ANKFY1: variants seen among roughly 807,000 people sequenced by gnomAD.
ANKFY1 encodes the protein ankyrin repeat and FYVE domain containing 1.
ANKFY1 carries 47 observed loss-of-function variants against 128.3 expected under a neutral mutation model. That is an observed-to-expected ratio of 0.37 (90% confidence interval 0.29 to 0.47). ANKFY1 has a LOEUF of 0.47. ANKFY1 is among the 20% of genes least tolerant of loss of function. ANKFY1 has a pLI of 1.00. For synonymous variants in ANKFY1, 553 were observed against 601.6 expected (o/e 0.92, Z 1.18); for missense variants, 1,222 against 1,510.6 (o/e 0.81, Z 3.17).
chr17:4,232,167 A>G (rs1406468048), intron 3 of ANKFY1, among the ~76,000 whole-genome samples: 3 of 152,216 alleles, frequency 2.0e-5, no homozygotes, highest in African/African-American at 7.2e-5. Flanking sequence ...GATTTTATCA[A>G]GCCTGTTGGT....
At chr17:4,183,596 T>G (rs1445234898) in intron 13 of ANKFY1, 45 bp from the exon 14 acceptor site, 1 of 1,601,222 alleles carries the variant, frequency 6.2e-7, no homozygotes, top group African/African-American at 1.3e-5. Context: ...CTTTTCCCGC[T>G]TCCTCAACAT....
At chr17:4,248,095 C>G (rs1189810764) in intron 1 of ANKFY1, among the ~76,000 whole-genome samples, 3 of 152,166 alleles carry the variant, frequency 2.0e-5, no homozygotes, top group African/African-American at 4.8e-5. Flanking sequence ...CTTACTTCCT[C>G]TCTGTGCTTC....
At chr17:4,175,103 C>T (rs1022935777) in intron 19 of ANKFY1, among the ~76,000 whole-genome samples, 2 of 150,718 alleles carry the variant, frequency 1.3e-5, no homozygotes, top group East Asian at 2.0e-4. Context: ...GAGACTGAGG[C>T]GGGCGGATTG....
intron 8 of ANKFY1, among the ~76,000 whole-genome samples, chr17:4,196,191 ACT>A (rs2059822369): frequency 8.7e-6 from 1 of 115,432 alleles, no homozygotes; most frequent in African/African-American, 3.1e-5. Context: ...ACACACACAC[ACT>A]GCGAGTTTAT....
At chr17:4,183,221 A>T (rs1288323510) in intron 14 of ANKFY1, among the ~76,000 whole-genome samples, 177 bp downstream of exon 14, 1 of 152,242 alleles carries the variant, frequency 6.6e-6, no homozygotes, top group Non-Finnish European at 1.5e-5. Flanking sequence ...CCGCCATTAC[A>T]ATCAAGTCTT....
At position 4,242,468 on chromosome 17, in the gene ANKFY1, T is replaced by G. The variant is rs537923927; in HGVS notation, c.11-20A>C. ...CCTCCTCTGCAAGGAAAACGAAGAATCAAGTTCACCGTGGCTGCTGGAAAG... is the reference window on the plus strand; with the variant it reads ...CCTCCTCTGCAAGGAAAACGAAGAAGCAAGTTCACCGTGGCTGCTGGAAAG... On this transcript the variant is annotated intron_variant, in intron 1 of 24. Coordinates refer to ENST00000341657, the MANE Select transcript of ANKFY1 (RefSeq NM_001330063.2). 4.6e-6 allele frequency: 7 copies of G among 1,524,508 alleles called. No homozygotes were observed. The highest frequency in any genetic ancestry group is 1.4e-5 in the African/African-American group (1 of 70,850). 94.4% of individuals were successfully genotyped at this position (1,524,508 alleles called of 1,614,324 possible).
intron 1 of ANKFY1, among the ~76,000 whole-genome samples, chr17:4,244,327 A>T (rs1250674066): frequency 6.6e-6 from 1 of 152,188 alleles, no homozygotes; most frequent in African/African-American, 2.4e-5. Context: ...GAAGGTAAAA[A>T]CAGCTATGAG....
At position 4,167,947 on chromosome 17, in the gene ANKFY1, C is replaced by T. The variant is rs961898243; in HGVS notation, c.3378-36G>A. ...AAAGAAAGGAAGTATGAGAGGAGCG[C>T]CAACGACAGACTCTGCTTCCTGGCA... On this transcript the variant is annotated intron_variant, in intron 24 of 24. Coordinates refer to ENST00000341657, the MANE Select transcript of ANKFY1 (RefSeq NM_001330063.2). This position sits in a 1 kb window ranked among gnomAD's most constrained non-coding sequence, Gnocchi z 4.1. 4 of 1,597,592 alleles carry T rather than the reference C, an allele frequency of 2.5e-6. No individual in the cohort carries two copies. The highest frequency in any genetic ancestry group is 2.7e-5 in the African/African-American group (2 of 74,384).
chr17:4,194,103 A>ATATATTTTTTT (rs1555627694), intron 10 of ANKFY1, among the ~76,000 whole-genome samples: 4 of 108,162 alleles, frequency 3.7e-5, no homozygotes, highest in African/African-American at 2.0e-4. Flanking sequence ...ATATATATAT[A>ATATATTTTTTT]TTTTTTTTTT....
At chr17:4,221,344 C>G (rs1400360861) in intron 3 of ANKFY1, among the ~76,000 whole-genome samples, 1 of 152,122 alleles carries the variant, frequency 6.6e-6, no homozygotes, top group African/African-American at 2.4e-5. Context: ...GCCGAGTAAA[C>G]GGGACTATAG....
chr17:4,247,901 C>A (rs1053400127), intron 1 of ANKFY1, among the ~76,000 whole-genome samples: 4 of 152,280 alleles, frequency 2.6e-5, no homozygotes, highest in African/African-American at 9.6e-5. Context: ...ACCTGCTCTG[C>A]AGTAGGTGGT....
Position 4,209,824 on chromosome 17 carries a change from C to G in ANKFY1, c.582G>C (p.Trp194Cys). The G allele has an allele frequency of 1.2e-6, 2 of 1,611,818 alleles. No homozygotes were observed. The highest frequency in any genetic ancestry group is 1.7e-6 in the Non-Finnish European group (2 of 1,178,278). ...TGTTGACACCCTCAACCTCACTCACCCAATGACTTGCAATAATTTCTGCAC... is the reference window on the plus strand; with the variant it reads ...TGTTGACACCCTCAACCTCACTCACGCAATGACTTGCAATAATTTCTGCAC... ...NYCAEIIASHWDDLRKEDFSS... is the reference protein window; with the variant it reads ...NYCAEIIASHCDDLRKEDFSS... Residue 194 changes from tryptophan to cysteine, a missense_variant and splice_region_variant, in exon 5 of 25, where the codon TGG becomes TGC. By Grantham distance (215) the Trp-to-Cys change is radical (BLOSUM62 -2). Transcript: ENST00000341657.
At chr17:4,237,941 T>C (rs973727171) in intron 2 of ANKFY1, among the ~76,000 whole-genome samples, 14 of 152,146 alleles carry the variant, frequency 9.2e-5, no homozygotes, top group African/African-American at 2.7e-4. Context: ...TAGGAAAAAC[T>C]ATAGGTTTGT....
In ANKFY1 at chr17:4,242,105, A is replaced by G. The variant is rs1598136266; in HGVS notation, c.203+151T>C. The G allele has an allele frequency of 6.0e-6, 4 of 662,098 alleles. No individual in the cohort carries two copies. The East Asian group carries it at 1.1e-4, about 18-fold the overall frequency. 41.0% of individuals were successfully genotyped at this position (662,098 alleles called of 1,614,324 possible). ...CTCCAACTCAAAAAAAAAAAAAAAAATCTTGCCTCAAGGAGCTTCTATTCT... is the reference window on the plus strand; with the variant it reads ...CTCCAACTCAAAAAAAAAAAAAAAAGTCTTGCCTCAAGGAGCTTCTATTCT... On this transcript the variant is annotated intron_variant, in intron 2 of 24. Transcript: ENST00000341657.
chr17:4,200,659 T>C lies in ANKFY1; in HGVS notation c.899-3082A>G, dbSNP rs1484975643. Among the ~76,000 whole-genome samples, 3 of 152,238 alleles carry C rather than the reference T, an allele frequency of 2.0e-5. No individual in the cohort carries two copies. The East Asian group carries it at 5.8e-4, about 29-fold the overall frequency. ...ATACTCCTTAAATGTGTGGGTGACC[T>C]TGCGATGAATGCTAGATTGTTGAAG... On this transcript the variant is annotated intron_variant, in intron 7 of 24. Coordinates refer to ENST00000341657, the MANE Select transcript of ANKFY1 (RefSeq NM_001330063.2).
intron 1 of ANKFY1, among the ~76,000 whole-genome samples, chr17:4,248,684 G>A (rs1029326833): frequency 2.0e-4 from 31 of 152,138 alleles, no homozygotes; most frequent in African/African-American, 6.3e-4. Context: ...TTAATTAGCC[G>A]GGCATGGTGG....
In ANKFY1 at chr17:4,207,619, T is replaced by C. The variant is rs114248637; in HGVS notation, c.732+314A>G. Among the ~76,000 whole-genome samples the C allele has an allele frequency of 5.4e-3, 821 of 152,100 alleles. 10 individuals carry two copies. Among genetic ancestry groups the C allele is most frequent in the African/African-American group, 0.019 (785 of 41,458 alleles). On this transcript the variant is annotated intron_variant, in intron 6 of 24. Transcript: ENST00000341657. ...GTGTTGTTTTAAGCCATTAAGTTTA[T>C]GGTAATTTATTATAGCAGCAAAAGT...
intron 1 of ANKFY1, among the ~76,000 whole-genome samples, chr17:4,254,279 G>A (rs554896856): frequency 2.9e-4 from 40 of 138,936 alleles, no homozygotes; most frequent in African/African-American, 1.2e-3. Flanking sequence ...ACTCCAGCCT[G>A]GACCACAGAG....
Position 4,185,024 on chromosome 17 carries a change from G to T in ANKFY1, c.1493C>A (p.Ala498Glu). 6.2e-7 allele frequency: 1 copy of T among 1,613,306 alleles called. No homozygotes were observed. Among genetic ancestry groups the T allele is most frequent in the Non-Finnish European group, 8.5e-7 (1 of 1,179,980 alleles). ...NKWGETPLHTACRHGLANLTA... is the reference protein window; with the variant it reads ...NKWGETPLHTECRHGLANLTA... Reference sequence around the variant, plus strand: ...GAGGTTGGCCAGGCCATGCCGACACGCTGTGTGCAACGGGGTTTCTCCCTG... The same window carrying T: ...GAGGTTGGCCAGGCCATGCCGACACTCTGTGTGCAACGGGGTTTCTCCCTG... The change falls in exon 12 of 25, where the codon GCG becomes GAG. Residue 498 changes from alanine to glutamate, a missense_variant. Ala to Glu is a moderately radical substitution (Grantham distance 107). Transcript: ENST00000341657.
Sources: allele counts gnomAD v4.1 joint callset (sites outside exome capture counted in the v4.1 genomes callset), GRCh38; gene constraint gnomAD v4.1.1; non-coding constraint Gnocchi (gnomAD v3.1); transcripts MANE v1.5; gene names NCBI Gene and HGNC (gene_info 2026-07-23, HGNC 2026-07-21).